Variants in KCNQ3 observed in about 807,000 individuals in gnomAD.
KCNQ3 encodes the protein potassium voltage-gated channel subfamily KQT member 3.
A neutral mutation model predicts 92.5 loss-of-function variants in KCNQ3; 30 were observed. That is an observed-to-expected ratio of 0.32 (90% confidence interval 0.24 to 0.44). The LOEUF (loss-of-function observed/expected upper bound fraction) is 0.44. Among genes scored for constraint, KCNQ3 ranks in the 20% least tolerant of loss-of-function variants. KCNQ3 has a pLI of 1.00. For missense variants in KCNQ3, 913 were observed against 1,140.3 expected (o/e 0.80, Z 2.87); for synonymous variants, 450 against 468.8 (o/e 0.96, Z 0.52).
intron 1 of KCNQ3, among the ~76,000 whole-genome samples, chr8:132,224,642 A>T (rs1260613023): frequency 6.6e-6 from 1 of 152,200 alleles, no homozygotes; most frequent in Non-Finnish European, 1.5e-5. Flanking sequence ...TTAAAATTAG[A>T]TTTATTATGG....
At chr8:132,374,256 C>T (rs1047831171) in intron 1 of KCNQ3, among the ~76,000 whole-genome samples, 2 of 152,156 alleles carry the variant, frequency 1.3e-5, no homozygotes, top group African/African-American at 4.8e-5. Flanking sequence ...ACCTACCAGC[C>T]CCTTTCTCAT....
intron 9 of KCNQ3, among the ~76,000 whole-genome samples, chr8:132,160,902 T>C (rs552314058): frequency 6.6e-6 from 1 of 152,316 alleles, no homozygotes; most frequent in South Asian, 2.1e-4. Flanking sequence ...AGGGAAGTTC[T>C]GAGTCCTACC....
At chr8:132,446,185 T>C (rs1488785772) in intron 1 of KCNQ3, among the ~76,000 whole-genome samples, 1 of 152,222 alleles carries the variant, frequency 6.6e-6, no homozygotes, top group African/African-American at 2.4e-5. Context: ...CTAACGGCCC[T>C]GCAGTGGCTT....
At chr8:132,159,997 AAG>A (rs1239076437) in intron 9 of KCNQ3, among the ~76,000 whole-genome samples, 1 of 152,244 alleles carries the variant, frequency 6.6e-6, no homozygotes, top group African/African-American at 2.4e-5. Flanking sequence ...TAAAACAGAA[AAG>A]AGCTTAGCCC....
intron 1 of KCNQ3, among the ~76,000 whole-genome samples, chr8:132,233,977 CA>C (rs1814722676): frequency 6.6e-6 from 1 of 152,094 alleles, no homozygotes; most frequent in Non-Finnish European, 1.5e-5. Context: ...ATTTATTGTC[CA>C]AACCAGACCA....
At position 132,366,041 on chromosome 8, in the gene KCNQ3, A is replaced by G. The variant is rs115420140; in HGVS notation, c.386+114106T>C. On this transcript the variant is annotated intron_variant, in intron 1 of 14. Coordinates refer to ENST00000388996, the MANE Select transcript of KCNQ3 (RefSeq NM_004519.4). ...GCCAGACCCTATAAAGTACCACTAT[A>G]TTTATATTGAGATAAACTATATAGA... 5.9e-3 allele frequency among the ~76,000 whole-genome samples: 905 copies of G among 152,262 alleles called. 14 individuals are homozygous for G. Among genetic ancestry groups the G allele is most frequent in the African/African-American group, 0.02 (843 of 41,552 alleles).
intron 1 of KCNQ3, among the ~76,000 whole-genome samples, chr8:132,260,139 C>T (rs1403157113): frequency 6.6e-6 from 1 of 152,018 alleles, no homozygotes; most frequent in African/African-American, 2.4e-5. Context: ...AATTGAAAAC[C>T]ATGATCAACT....
intron 1 of KCNQ3, among the ~76,000 whole-genome samples, chr8:132,325,104 G>A (rs1818004792): frequency 6.6e-6 from 1 of 152,042 alleles, no homozygotes; most frequent in Non-Finnish European, 1.5e-5. Flanking sequence ...GGAGTGGGCA[G>A]AGCTGACGCC....
intron 1 of KCNQ3, among the ~76,000 whole-genome samples, chr8:132,287,170 T>C (rs903502468): frequency 6.6e-6 from 1 of 152,226 alleles, no homozygotes; most frequent in African/African-American, 2.4e-5. Context: ...CATTTCACCA[T>C]GTTATTGAGA....
At chr8:132,146,194 TGCA>T (rs1333415548) in intron 9 of KCNQ3, among the ~76,000 whole-genome samples, 3 of 152,286 alleles carry the variant, frequency 2.0e-5, no homozygotes, top group Non-Finnish European at 4.4e-5. Flanking sequence ...ACCTGTTCAT[TGCA>T]GCATTATTCA....
intron 1 of KCNQ3, among the ~76,000 whole-genome samples, chr8:132,207,921 T>TAAAAA (rs762571946): frequency 9.6e-6 from 1 of 103,894 alleles, no homozygotes; most frequent in African/African-American, 3.4e-5. Context: ...TGAGAGAGAT[T>TAAAAA]AAAAAAAAAA....
chr8:132,238,068 G>A (rs1563819185), intron 1 of KCNQ3, among the ~76,000 whole-genome samples: 1 of 152,176 alleles, frequency 6.6e-6, no homozygotes, highest in Non-Finnish European at 1.5e-5. Context: ...GAGGGGAGAA[G>A]TCTCTTGGGT....
At chr8:132,451,909 C>T (rs993115723) in intron 1 of KCNQ3, among the ~76,000 whole-genome samples, 1 of 152,072 alleles carries the variant, frequency 6.6e-6, no homozygotes, top group African/African-American at 2.4e-5. Context: ...TCAACTGGGA[C>T]AGGTCAAGAG....
chr8:132,129,822 A>T lies in KCNQ3; in HGVS notation c.2059T>A (p.Tyr687Asn), dbSNP rs201217244. ...GGTTCCGGGGGGCCTGTCTCAGAAT[A>T]GTTGCAGATGATGGTTTTCAAATCG... is the stretch of plus-strand genomic sequence containing the variant. ...YSDLKTIICN[Y>N]SETGPPEPPY... The change falls in exon 15 of 15, where the codon TAT (tyrosine) becomes AAT (asparagine). Residue 687 changes from tyrosine to asparagine, a missense_variant. By Grantham distance (143) the Tyr-to-Asn change is moderately radical. This residue lies in a region of KCNQ3 where 375 missense variants were observed against 376.4 expected (regional missense o/e 1.00). Transcript: ENST00000388996. The surrounding 1 kb of genome is among the most constrained non-coding windows in gnomAD (Gnocchi z 5.9). 6.2e-7 allele frequency: 1 copy of T among 1,614,142 alleles called. No homozygotes were observed. Among genetic ancestry groups the T allele is most frequent in the Admixed American group, 1.7e-5 (1 of 60,016 alleles).
At chr8:132,433,705 C>T (rs772106506) in intron 1 of KCNQ3, among the ~76,000 whole-genome samples, 1 of 151,368 alleles carries the variant, frequency 6.6e-6, no homozygotes, top group Non-Finnish European at 1.5e-5. Context: ...GCCTGGCCAA[C>T]ATGGCAAAAA....
chr8:132,226,781 T>C (rs923661713), intron 1 of KCNQ3, among the ~76,000 whole-genome samples: 2 of 152,100 alleles, frequency 1.3e-5, no homozygotes, highest in Admixed American at 6.5e-5. Context: ...ACGAAATCAA[T>C]GAACATGGCC....
At chr8:132,148,919 C>T (rs1207144367) in intron 9 of KCNQ3, among the ~76,000 whole-genome samples, 2 of 152,208 alleles carry the variant, frequency 1.3e-5, no homozygotes, top group Non-Finnish European at 2.9e-5. Flanking sequence ...TGTGAGATTT[C>T]TCAGCCTCTG....
intron 1 of KCNQ3, among the ~76,000 whole-genome samples, chr8:132,446,570 T>C (rs1821682612): frequency 6.6e-6 from 1 of 152,126 alleles, no homozygotes; most frequent in Non-Finnish European, 1.5e-5. Context: ...CGGGATACAA[T>C]TAAAGCCAAG....
intron 1 of KCNQ3, among the ~76,000 whole-genome samples, chr8:132,329,716 T>C (rs1340376341): frequency 6.6e-6 from 1 of 152,144 alleles, no homozygotes; most frequent in African/African-American, 2.4e-5. Context: ...CCAGATCTGC[T>C]CTTGTTATCT....
Sources: gnomAD v4.1 joint callset for allele counts (sites outside exome capture counted in the v4.1 genomes callset) on GRCh38, gnomAD v4.1.1 for gene constraint, gnomAD v4.1.1 regional missense constraint, Gnocchi (gnomAD v3.1) non-coding constraint, MANE v1.5 for transcripts, NCBI Gene and HGNC (gene_info 2026-07-23, HGNC 2026-07-21) for gene names.